Variants in KPNA4 observed in about 807,000 individuals in gnomAD.
KPNA4 encodes the protein karyopherin subunit alpha 4, also known as importin subunit alpha-3.
KPNA4 carries 13 observed loss-of-function variants against 71.3 expected under a neutral mutation model. That is an observed-to-expected ratio of 0.18 (90% confidence interval 0.12 to 0.29). KPNA4 has a LOEUF of 0.29. Among genes scored for constraint, KPNA4 ranks in the 10% least tolerant of loss-of-function variants. The pLI, the probability that KPNA4 is intolerant of heterozygous loss-of-function variation, is 1.00. For synonymous variants in KPNA4, 189 were observed against 195.2 expected (o/e 0.97, Z 0.26); for missense variants, 334 against 603.2 (o/e 0.55, Z 4.67).
intron 1 of KPNA4, among the ~76,000 whole-genome samples, chr3:160,542,874 C>G (rs1163009684): frequency 2.6e-5 from 4 of 152,064 alleles, no homozygotes; most frequent in African/African-American, 9.7e-5. Context: ...TTAAAATGAT[C>G]CATATCTAAA....
At chr3:160,521,463 T>C (rs928652747) in intron 11 of KPNA4, among the ~76,000 whole-genome samples, 1 of 152,052 alleles carries the variant, frequency 6.6e-6, no homozygotes, top group African/African-American at 2.4e-5. Flanking sequence ...TAGCTACACA[T>C]GATGGTGTGT....
chr3:160,533,301 A>G (rs545334440), intron 5 of KPNA4, among the ~76,000 whole-genome samples: 1 of 152,202 alleles, frequency 6.6e-6, no homozygotes, highest in Non-Finnish European at 1.5e-5. Flanking sequence ...CTGGGATTAC[A>G]GGCGTTAAGC....
Position 160,565,342 on chromosome 3 carries a change from G to A in KPNA4, c.-60C>T. ...CCGCGGGATCCGCCCCAACCAACGCGCCGCACCGACACTCCCAGGAACCGG... is the reference window on the plus strand; with the variant it reads ...CCGCGGGATCCGCCCCAACCAACGCACCGCACCGACACTCCCAGGAACCGG... On this transcript the variant is annotated 5_prime_UTR_variant, in exon 1 of 17. Transcript: ENST00000334256. The A allele has an allele frequency of 2.2e-6, 3 of 1,374,052 alleles. No individual in the cohort carries two copies. The highest frequency in any genetic ancestry group is 3.0e-6 in the Non-Finnish European group (3 of 988,932). 85.1% of individuals were successfully genotyped at this position (1,374,052 alleles called of 1,614,324 possible).
intron 5 of KPNA4, among the ~76,000 whole-genome samples, chr3:160,532,281 A>G (rs1721591631): frequency 6.6e-6 from 1 of 152,266 alleles, no homozygotes; most frequent in African/African-American, 2.4e-5. Context: ...AGAGGTCACC[A>G]AAATATCCAA....
At chr3:160,534,673 C>A (rs914423049) in intron 5 of KPNA4, among the ~76,000 whole-genome samples, 1 of 139,022 alleles carries the variant, frequency 7.2e-6, no homozygotes, top group South Asian at 2.3e-4. Context: ...GCTGAGATTG[C>A]GCCACTGGAC....
chr3:160,535,475 G>A (rs3736627), intron 5 of KPNA4, 38 bp downstream of exon 5: 71,430 of 1,516,504 alleles, frequency 0.047, 2,033 homozygotes, highest in Middle Eastern at 0.07. Context: ...CCCTGTGTAA[G>A]TTGTAAAATC....
intron 13 of KPNA4, among the ~76,000 whole-genome samples, chr3:160,513,453 T>G (rs188022797): frequency 2.2e-3 from 333 of 152,106 alleles, no homozygotes; most frequent in African/African-American, 7.4e-3. Flanking sequence ...TTTGTAGAGA[T>G]GGAGTCCCCC....
At chr3:160,527,364 C>G (rs1311311369) in intron 8 of KPNA4, among the ~76,000 whole-genome samples, 1 of 152,082 alleles carries the variant, frequency 6.6e-6, no homozygotes, top group Non-Finnish European at 1.5e-5. Context: ...TCAGAGAGAA[C>G]CTGAAAGTTA....
chr3:160,558,564 T>C (rs1722184011), intron 1 of KPNA4, among the ~76,000 whole-genome samples: 1 of 152,204 alleles, frequency 6.6e-6, no homozygotes, highest in South Asian at 2.1e-4. Context: ...CCATGTCTTT[T>C]AACCCCTATA....
intron 11 of KPNA4, among the ~76,000 whole-genome samples, chr3:160,516,517 C>A (rs1227314055): frequency 6.6e-6 from 1 of 151,762 alleles, no homozygotes; most frequent in Non-Finnish European, 1.5e-5. Flanking sequence ...CAGTGGCTCA[C>A]GCCTGTAATT....
In KPNA4 at chr3:160,521,316, C is replaced by T. The variant is rs1367795635; in HGVS notation, c.903+463G>A. The stretch of plus-strand genomic sequence containing the variant: ...TGGTCTACATTAAAAATCAGTAATC[C>T]GGCCAGGCATGGTGGTTCACACCTG... On this transcript the variant is annotated intron_variant, in intron 11 of 16. Transcript: ENST00000334256. Among the ~76,000 whole-genome samples, 4 of 152,078 alleles carry T rather than the reference C, an allele frequency of 2.6e-5. 1 individual carries two copies. Among genetic ancestry groups the T allele is most frequent in the South Asian group, 2.1e-4 (1 of 4,826 alleles).
chr3:160,530,773 C>T, intron 7 of KPNA4, 82 bp downstream of exon 7: 1 of 886,948 alleles, frequency 1.1e-6, no homozygotes, highest in Non-Finnish European at 1.8e-6. Flanking sequence ...TTTAAATTGC[C>T]ATAGTCTTTT....
At chr3:160,516,122 G>C (rs750443746) in intron 11 of KPNA4, among the ~76,000 whole-genome samples, 2 of 152,010 alleles carry the variant, frequency 1.3e-5, no homozygotes, top group African/African-American at 2.4e-5. Context: ...GAGCAGCTGG[G>C]ATTACAGGCG....
chr3:160,548,113 G>A (rs1721961012), intron 1 of KPNA4, among the ~76,000 whole-genome samples: 1 of 152,142 alleles, frequency 6.6e-6, no homozygotes, highest in Admixed American at 6.5e-5. Flanking sequence ...GCCTCTCAAA[G>A]TGATTGTACC....
chr3:160,515,692 G>A, intron 11 of KPNA4, 112 bp from the exon 12 acceptor site: 1 of 1,193,050 alleles, frequency 8.4e-7, no homozygotes. Flanking sequence ...TCAGCTCACT[G>A]TAACCTCTGC....
chr3:160,539,496 A>C (rs1476306356), intron 1 of KPNA4, among the ~76,000 whole-genome samples: 1 of 152,226 alleles, frequency 6.6e-6, no homozygotes, highest in Non-Finnish European at 1.5e-5. Context: ...AGACAGTCTC[A>C]CACAAAGCCA....
intron 1 of KPNA4, among the ~76,000 whole-genome samples, chr3:160,558,717 G>A (rs1330288211): frequency 6.6e-6 from 1 of 151,830 alleles, no homozygotes; most frequent in Non-Finnish European, 1.5e-5. Context: ...GAGTACACAG[G>A]GTCAAAACTA....
At chr3:160,514,204 T>C (rs770547142) in intron 12 of KPNA4, 23 bp from the exon 13 acceptor site, 82 of 1,526,814 alleles carry the variant, frequency 5.4e-5, no homozygotes, top group Non-Finnish European at 7.2e-5. Flanking sequence ...AGCATTTGAA[T>C]ATTTCTCATT....
intron 11 of KPNA4, among the ~76,000 whole-genome samples, chr3:160,520,461 C>T (rs893103278): frequency 2.7e-5 from 4 of 150,914 alleles, no homozygotes; most frequent in African/African-American, 9.8e-5. Flanking sequence ...CAGGGTTTCA[C>T]CATGTTGGCC....
Sources: allele counts gnomAD v4.1 joint callset (sites outside exome capture counted in the v4.1 genomes callset), GRCh38; gene constraint gnomAD v4.1.1; transcripts MANE v1.5; gene names NCBI Gene and HGNC (gene_info 2026-07-23, HGNC 2026-07-21).